PHF14: variants seen among roughly 807,000 people sequenced by gnomAD.
The protein encoded by PHF14 is PHD finger protein 14.
A neutral mutation model predicts 117.9 loss-of-function variants in PHF14; 55 were observed. That is an observed-to-expected ratio of 0.47 (90% CI 0.38 to 0.58). The LOEUF (loss-of-function observed/expected upper bound fraction) is 0.58, where lower values mean the gene tolerates loss of function less well. PHF14 is among the 20% of genes least tolerant of loss of function. The pLI is 0.00. For synonymous variants in PHF14, 409 were observed against 368.6 expected, an observed-to-expected ratio of 1.11 and a Z score of -1.26; for missense variants, 978 against 1,122.2, an observed-to-expected ratio of 0.87 and a Z score of 1.84.
chr7:10,979,385 A>G (rs1781977610), intron 2 of PHF14, among the ~76,000 whole-genome samples: 1 of 152,080 alleles, frequency 6.6e-6, no homozygotes, highest in Non-Finnish European at 1.5e-5. Context: ...GATATATTGT[A>G]TGTTTGAGAA....
At chr7:11,051,815 A>G (rs762713259) in intron 14 of PHF14, 35 bp downstream of exon 14, 123 of 1,571,598 alleles carry the variant, frequency 7.8e-5, no homozygotes, top group Non-Finnish European at 9.4e-5. Context: ...AGCATCATAC[A>G]ATTCTGAGGC....
chr7:10,983,560 A>G (rs1341491727), intron 3 of PHF14, among the ~76,000 whole-genome samples: 1 of 152,170 alleles, frequency 6.6e-6, no homozygotes, highest in Non-Finnish European at 1.5e-5. Context: ...TCCATATTAA[A>G]ATATAGGCCT....
At chr7:11,146,720 A>G (rs1055612560) in intron 17 of PHF14, among the ~76,000 whole-genome samples, 1 of 152,218 alleles carries the variant, frequency 6.6e-6, no homozygotes, top group Non-Finnish European at 1.5e-5. Context: ...TCAGCTCCGC[A>G]TGGTCATTTC....
At chr7:11,083,834 G>A (rs1160021699) in intron 16 of PHF14, among the ~76,000 whole-genome samples, 1 of 152,102 alleles carries the variant, frequency 6.6e-6, no homozygotes, top group East Asian at 1.9e-4. Context: ...GTAAAAATGA[G>A]CGGTTGCCAG....
At chr7:10,992,735 T>G in intron 4 of PHF14, among the ~76,000 whole-genome samples, 1 of 152,186 alleles carries the variant, frequency 6.6e-6, no homozygotes, top group Non-Finnish European at 1.5e-5. Context: ...GAAGTTAGCA[T>G]TGATGAAATG....
chr7:11,128,164 G>A (rs1039526962), intron 17 of PHF14, among the ~76,000 whole-genome samples: 1 of 151,934 alleles, frequency 6.6e-6, no homozygotes, highest in African/African-American at 2.4e-5. Context: ...ACAAATTCAT[G>A]CCTTCTAATT....
chr7:11,011,067 T>C (rs1046911105), intron 4 of PHF14, among the ~76,000 whole-genome samples: 1 of 152,260 alleles, frequency 6.6e-6, no homozygotes, highest in Admixed American at 6.5e-5. Context: ...AAACCAACTT[T>C]TTAGTTTTTT....
chr7:11,166,184 C>G (rs145518228), intron 17 of PHF14, among the ~76,000 whole-genome samples: 16 of 152,208 alleles, frequency 1.1e-4, no homozygotes, highest in Admixed American at 1.0e-3. Flanking sequence ...CCAGTAGCCT[C>G]AAAGGATACA....
intron 17 of PHF14, among the ~76,000 whole-genome samples, chr7:11,157,666 T>A (rs1289377271): frequency 1.3e-5 from 2 of 152,190 alleles, no homozygotes; most frequent in African/African-American, 4.8e-5. Flanking sequence ...TTGAATAATT[T>A]TCTAATGGTT....
intron 4 of PHF14, among the ~76,000 whole-genome samples, chr7:11,002,461 G>A (rs902072649): frequency 1.1e-4 from 6 of 55,770 alleles, no homozygotes; most frequent in Admixed American, 5.2e-4. Context: ...TTTTTGAGAC[G>A]GAGTTTTGCT....
intron 1 of PHF14, 109 bp from the exon 2 acceptor site, chr7:10,974,706 CCTTTTGCTGAGAACTCAGTT>C: frequency 1.6e-6 from 1 of 624,144 alleles, no homozygotes; most frequent in Non-Finnish European, 2.8e-6. Flanking sequence ...TCTCCTGACC[CCTTTTGCTGAGAACTCAGTT>C]AGACAAAAAT....
chr7:11,148,506 T>A (rs939206035), intron 17 of PHF14, among the ~76,000 whole-genome samples: 2 of 152,196 alleles, frequency 1.3e-5, no homozygotes, highest in Admixed American at 1.3e-4. Flanking sequence ...CTTCCTTGAC[T>A]ACCTTGCCTA....
chr7:10,977,379 A>G (rs1340595819), intron 2 of PHF14, among the ~76,000 whole-genome samples: 3 of 152,160 alleles, frequency 2.0e-5, no homozygotes, highest in Non-Finnish European at 2.9e-5. Flanking sequence ...GGCTAACTGG[A>G]TTCCGTGGAT....
chr7:10,979,152 A>G (rs1290882987), intron 2 of PHF14, among the ~76,000 whole-genome samples: 1 of 152,160 alleles, frequency 6.6e-6, no homozygotes, highest in Non-Finnish European at 1.5e-5. Context: ...AGAACATTGG[A>G]TATAATGGTA....
chr7:11,120,219 A>C (rs1233537217), intron 17 of PHF14, among the ~76,000 whole-genome samples: 1 of 151,930 alleles, frequency 6.6e-6, no homozygotes, highest in Non-Finnish European at 1.5e-5. Context: ...TCAGGTCTTA[A>C]CTATTTATAG....
chr7:10,992,156 C>T lies in PHF14; in HGVS notation c.1045+1309C>T, dbSNP rs544790207. On this transcript the variant is annotated intron_variant, in intron 4 of 17. Transcript: ENST00000634607. ...GCAACCTCTGCCTCCCAGGTTCAAG[C>T]GATTCTCCTGCCTCAGCCTCCCGAG... Among the ~76,000 whole-genome samples, 17 of 151,464 alleles carry T rather than the reference C, an allele frequency of 1.1e-4. No individual in the cohort carries two copies. In the East Asian group the frequency reaches 3.2e-3, roughly 28 times the overall value.
chr7:11,089,932 C>T (rs568909022), intron 16 of PHF14, among the ~76,000 whole-genome samples: 16 of 152,036 alleles, frequency 1.1e-4, no homozygotes, highest in Non-Finnish European at 2.1e-4. Context: ...CCGTCACGAC[C>T]GGCTAATTTT....
At chr7:11,062,827 G>A in intron 16 of PHF14, 3 of 985,140 alleles carry the variant, frequency 3.0e-6, no homozygotes, top group Non-Finnish European at 3.6e-6. Flanking sequence ...TTTAAAAGAG[G>A]CATCAGACTT....
Position 11,028,830 on chromosome 7 carries a change from T to A in PHF14, c.1455+12T>A. ...CAGCGGCGGAAGAGGTAGGTTTATT[T>A]AAACCCATAGTTGGTGAACATGTTC... On this transcript the variant is annotated intron_variant, in intron 7 of 17. Coordinates refer to ENST00000634607, the MANE Select transcript of PHF14 (RefSeq NM_001007157.2). 1 of 1,611,778 alleles carries A rather than the reference T, an allele frequency of 6.2e-7. No individual in the cohort carries two copies.
Sources: allele counts gnomAD v4.1 joint callset (sites outside exome capture counted in the v4.1 genomes callset), GRCh38; gene constraint gnomAD v4.1.1; transcripts MANE v1.5; gene names NCBI Gene and HGNC (gene_info 2026-07-23, HGNC 2026-07-21).